Variants in SLC4A4 observed in about 807,000 individuals in gnomAD.
The protein encoded by SLC4A4 is solute carrier family 4 member 4.
SLC4A4 carries 27 observed loss-of-function variants against 111.5 expected under a neutral mutation model. The observed-to-expected ratio is 0.24, with a 90% CI of 0.18 to 0.33. The LOEUF is 0.33. Ranked by LOEUF, SLC4A4 falls within the 10% of genes least tolerant of loss-of-function variation. SLC4A4 has a pLI of 1.00. For synonymous variants in SLC4A4, 443 were observed against 463.4 expected, an observed-to-expected ratio of 0.96 and a Z score of 0.57; for missense variants, 909 against 1,315.5, an observed-to-expected ratio of 0.69 and a Z score of 4.78.
chr4:71,209,580 A>G (rs964900492), intron 1 of SLC4A4, among the ~76,000 whole-genome samples: 1 of 152,184 alleles, frequency 6.6e-6, no homozygotes, highest in African/African-American at 2.4e-5. Flanking sequence ...ATTTTATTGT[A>G]TCTTTCTTCA....
At chr4:71,354,459 G>A (rs1560435373) in intron 5 of SLC4A4, among the ~76,000 whole-genome samples, 1 of 152,104 alleles carries the variant, frequency 6.6e-6, no homozygotes, top group Non-Finnish European at 1.5e-5. Flanking sequence ...AGTCAATACT[G>A]CAACATTGTC....
At chr4:71,494,866 C>A (rs1730260048) in intron 15 of SLC4A4, among the ~76,000 whole-genome samples, 2 of 151,920 alleles carry the variant, frequency 1.3e-5, no homozygotes, top group South Asian at 4.1e-4. Flanking sequence ...ATGGAATTAA[C>A]CTTCACTGAC....
intron 6 of SLC4A4, among the ~76,000 whole-genome samples, chr4:71,358,789 T>C (rs1317712806): frequency 6.6e-6 from 1 of 152,186 alleles, no homozygotes. Context: ...TAGTTTATTA[T>C]AACTGATGTC....
intron 14 of SLC4A4, among the ~76,000 whole-genome samples, chr4:71,480,218 G>T (rs1298546726): frequency 6.6e-6 from 1 of 151,306 alleles, no homozygotes; most frequent in Non-Finnish European, 1.5e-5. Context: ...CTCCACAGTA[G>T]CTCAGCTCTT....
chr4:71,517,663 G>A (rs998776494), intron 16 of SLC4A4, among the ~76,000 whole-genome samples: 1 of 152,098 alleles, frequency 6.6e-6, no homozygotes, highest in Admixed American at 6.6e-5. Context: ...GTGGTGTCAT[G>A]TTTCCTTGAT....
chr4:71,402,224 A>C (rs984859963), intron 7 of SLC4A4, among the ~76,000 whole-genome samples: 1 of 152,178 alleles, frequency 6.6e-6, no homozygotes, highest in Admixed American at 6.5e-5. Context: ...CTTAAAATGA[A>C]ATCTAGAAGG....
intron 1 of SLC4A4, among the ~76,000 whole-genome samples, chr4:71,189,452 A>G (rs774510482): frequency 2.6e-4 from 40 of 152,212 alleles, no homozygotes; most frequent in Non-Finnish European, 4.4e-4. Context: ...AGGCAATCAG[A>G]TTTAGAGGAA....
chr4:71,495,988 G>A (rs1379720231), intron 15 of SLC4A4, among the ~76,000 whole-genome samples: 1 of 152,008 alleles, frequency 6.6e-6, no homozygotes, highest in Non-Finnish European at 1.5e-5. Flanking sequence ...AAAGTGTTGT[G>A]CATAGCAAAA....
intron 1 of SLC4A4, among the ~76,000 whole-genome samples, chr4:71,227,993 G>A (rs766622507): frequency 4.6e-5 from 7 of 152,168 alleles, no homozygotes; most frequent in African/African-American, 4.8e-5. Flanking sequence ...GTGGAAGCAC[G>A]TGAAATGGTC....
intron 2 of SLC4A4, among the ~76,000 whole-genome samples, chr4:71,107,716 T>A (rs1578486890): frequency 6.6e-6 from 1 of 152,086 alleles, no homozygotes; most frequent in South Asian, 2.1e-4. Flanking sequence ...TCTTGTTTTT[T>A]TTTTTCTTAT....
At chr4:71,174,174 C>G (rs1329278078) in intron 2 of SLC4A4, among the ~76,000 whole-genome samples, 1 of 151,426 alleles carries the variant, frequency 6.6e-6, no homozygotes, top group Admixed American at 6.6e-5. Flanking sequence ...TTTTTTTTTC[C>G]TAGCCACATC....
intron 21 of SLC4A4, 97 bp downstream of exon 21, chr4:71,555,305 A>T (rs1296701302): frequency 8.4e-6 from 7 of 838,276 alleles, no homozygotes; most frequent in Non-Finnish European, 1.5e-5. Context: ...AATCATTATT[A>T]ACTGCTGAGT....
intron 1 of SLC4A4, 28 bp from the exon 2 acceptor site, chr4:71,236,548 A>ATTCTTTTT (rs1354874586): frequency 6.2e-7 from 1 of 1,602,102 alleles, no homozygotes; most frequent in Non-Finnish European, 8.5e-7. Context: ...AAGTCTGAGC[A>ATTCTTTTT]TTCTTTTTTT....
At chr4:71,181,980 T>A (rs991933374) in intron 2 of SLC4A4, among the ~76,000 whole-genome samples, 9 of 152,228 alleles carry the variant, frequency 5.9e-5, no homozygotes, top group Admixed American at 3.9e-4. Context: ...CAATGTGACC[T>A]GGGATAGTTG....
At chr4:71,183,111 T>C (rs1409527918), upstream of SLC4A4, among the ~76,000 whole-genome samples, 1 of 152,240 alleles carries the variant, frequency 6.6e-6, no homozygotes, top group Non-Finnish European at 1.5e-5. Flanking sequence ...TTGGAATTGC[T>C]GAATTTTGGG....
chr4:71,215,394 T>A (rs1290889503), intron 1 of SLC4A4, among the ~76,000 whole-genome samples: 1 of 152,206 alleles, frequency 6.6e-6, no homozygotes, highest in African/African-American at 2.4e-5. Flanking sequence ...TACTCTACTC[T>A]CAGTTTCACC....
chr4:71,279,549 G>T (rs183437880), intron 3 of SLC4A4, among the ~76,000 whole-genome samples: 2 of 151,896 alleles, frequency 1.3e-5, no homozygotes, highest in South Asian at 4.2e-4. Flanking sequence ...CCATATGTTG[G>T]CTATTGGTGA....
chr4:71,117,708 A>T (rs1743305081), intron 2 of SLC4A4, among the ~76,000 whole-genome samples: 1 of 152,198 alleles, frequency 6.6e-6, no homozygotes, highest in South Asian at 2.1e-4. Context: ...TATCTTTCTA[A>T]GGGTGAACTG....
chr4:71,484,618 T>C (rs1429922336), intron 14 of SLC4A4, among the ~76,000 whole-genome samples: 1 of 151,366 alleles, frequency 6.6e-6, no homozygotes, highest in Non-Finnish European at 1.5e-5. Flanking sequence ...TTCAGCCTTG[T>C]TCTTTTTGGC....
Sources: gnomAD v4.1 joint callset for allele counts (sites outside exome capture counted in the v4.1 genomes callset) on GRCh38, gnomAD v4.1.1 for gene constraint, MANE v1.5 for transcripts, NCBI Gene and HGNC (gene_info 2026-07-23, HGNC 2026-07-21) for gene names.